Variants in VCPKMT observed in about 807,000 individuals in gnomAD.
VCPKMT encodes the protein protein N-lysine methyltransferase METTL21D.
A neutral mutation model predicts 28.6 loss-of-function variants in VCPKMT; 32 were observed. The ratio of observed to expected loss-of-function variants is 1.12; its 90% CI spans 0.84 to 1.50. The LOEUF is 1.50. Ranked by LOEUF, VCPKMT falls within the 40% of genes most tolerant of loss-of-function variation. The pLI is 0.00. For missense variants in VCPKMT, 366 were observed against 285.0 expected (o/e 1.28, Z -2.05); for synonymous variants, 138 against 111.4 (o/e 1.24, Z -1.50).
the VCPKMT span, among the ~76,000 whole-genome samples, chr14:50,103,071 A>T: frequency 6.6e-6 from 1 of 152,256 alleles, no homozygotes; most frequent in Admixed American, 6.5e-5. Context: ...AAAACTCATC[A>T]GCTATCACTA....
chr14:50,111,491 G>C (rs1882656224), intron 5 of VCPKMT: 1 of 985,282 alleles, frequency 1.0e-6, no homozygotes, highest in African/African-American at 1.7e-5. Context: ...TAGAAAAAGT[G>C]TGGGCTTATT....
At chr14:50,106,612 G>C (rs1882330197), downstream of VCPKMT, 1 of 985,312 alleles carries the variant, frequency 1.0e-6, no homozygotes, top group Admixed American at 6.1e-5. Context: ...CCATGCTTCG[G>C]AATCTGCTGC....
chr14:50,112,917 A>T (rs1177977775), intron 4 of VCPKMT, among the ~76,000 whole-genome samples, 198 bp from the exon 5 acceptor site: 1 of 152,046 alleles, frequency 6.6e-6, no homozygotes, highest in Non-Finnish European at 1.5e-5. Flanking sequence ...CCTCCTGAGT[A>T]GCTGGGATTA....
At chr14:50,113,678 AAC>A (rs1278378181) in intron 4 of VCPKMT, among the ~76,000 whole-genome samples, 3 of 152,016 alleles carry the variant, frequency 2.0e-5, no homozygotes, top group Non-Finnish European at 4.4e-5. Context: ...TGTAGAGAAA[AAC>A]ACAGAAGTAA....
chr14:50,111,227 T>C (rs1463776344), intron 5 of VCPKMT: 13 of 985,096 alleles, frequency 1.3e-5, no homozygotes, highest in South Asian at 9.4e-5. Context: ...ACAAAATCTT[T>C]CTGCCTCCAA....
chr14:50,103,411 T>C, the VCPKMT span, among the ~76,000 whole-genome samples: 1 of 152,238 alleles, frequency 6.6e-6, no homozygotes, highest in Non-Finnish European at 1.5e-5. Context: ...GTTATGCAGA[T>C]AGATCAAGTC....
intron 5 of VCPKMT, among the ~76,000 whole-genome samples, chr14:50,109,937 T>C (rs553515473): frequency 1.3e-5 from 2 of 152,086 alleles, no homozygotes; most frequent in Non-Finnish European, 2.9e-5. Flanking sequence ...AAAATTAAAA[T>C]ATATGTGCTT....
At chr14:50,112,471 C>T in intron 5 of VCPKMT, 144 bp downstream of exon 5, 1 of 399,298 alleles carries the variant, frequency 2.5e-6, no homozygotes, top group Non-Finnish European at 4.5e-6. Context: ...ATTATCTTGA[C>T]AATGAAGTTA....
intron 5 of VCPKMT, 152 bp from the exon 6 acceptor site, chr14:50,109,865 G>T: frequency 1.1e-6 from 1 of 911,594 alleles, no homozygotes; most frequent in Non-Finnish European, 1.6e-6. Context: ...CATGTTTATA[G>T]ATGGTTCTTT....
downstream of VCPKMT, among the ~76,000 whole-genome samples, chr14:50,106,952 T>C (rs574178682): frequency 4.1e-4 from 62 of 152,354 alleles, no homozygotes; most frequent in Middle Eastern, 0.014. Flanking sequence ...GCTCCTGGGC[T>C]CAAGTGATCT....
Position 50,109,003 on chromosome 14 carries a change from T to C in VCPKMT, c.*696A>G, listed in dbSNP as rs1376775437. On this transcript the variant is annotated 3_prime_UTR_variant, in exon 6 of 6. Coordinates refer to ENST00000395860, the MANE Select transcript of VCPKMT (RefSeq NM_024558.3). ...TCACTCCATGCTCAAATGAAAAATC[T>C]GTAAAGATATCTTTTGTTCCTCCAA... 34 of 985,326 alleles carry C rather than the reference T, an allele frequency of 3.5e-5. No homozygotes were observed. The highest frequency in any genetic ancestry group is 4.1e-5 in the Non-Finnish European group (34 of 829,930). 61.0% of individuals were successfully genotyped at this position (985,326 alleles called of 1,614,324 possible).
At chr14:50,103,460 G>A in the VCPKMT span, among the ~76,000 whole-genome samples, 6 of 152,128 alleles carry the variant, frequency 3.9e-5, no homozygotes, top group African/African-American at 1.4e-4. Context: ...GTACTTTAAT[G>A]GCCTGCTACC....
Position 50,112,724 on chromosome 14 carries a change from A to G in VCPKMT, c.571-5T>C. 2.6e-6 allele frequency: 4 copies of G among 1,547,412 alleles called. No homozygotes were observed. The highest frequency in any genetic ancestry group is 3.5e-6 in the Non-Finnish European group (4 of 1,139,440). On this transcript the variant is annotated splice_region_variant and splice_polypyrimidine_tract_variant and intron_variant, in intron 4 of 5. Transcript: ENST00000395860. ...GTCAAAATCTAGCTGAAGGAGCTATAAATTTAAAAGAGACATACTTCAAAT... is the reference window on the plus strand; with the variant it reads ...GTCAAAATCTAGCTGAAGGAGCTATGAATTTAAAAGAGACATACTTCAAAT...
intron 5 of VCPKMT, 129 bp downstream of exon 5, chr14:50,112,486 C>T: frequency 1.4e-5 from 8 of 574,142 alleles, no homozygotes; most frequent in Non-Finnish European, 2.1e-5. Flanking sequence ...AAGTTACTGC[C>T]TGAGTCCAGT....
At chr14:50,108,610 G>GT (rs919656203), downstream of VCPKMT, 73 of 985,706 alleles carry the variant, frequency 7.4e-5, no homozygotes, top group African/African-American at 1.2e-3. Context: ...TTCTTCAAAG[G>GT]TATTTCTGAA....
At position 50,115,838 on chromosome 14, in the gene VCPKMT, C is replaced by A; in HGVS notation, c.450+1G>T. The A allele has an allele frequency of 3.7e-6, 6 of 1,603,584 alleles. No individual in the cohort carries two copies. The highest frequency in any genetic ancestry group is 5.1e-6 in the Non-Finnish European group (6 of 1,171,446). ...AGAGACTTCGCTCACTGGATACTTA[C>A]CTCTTCATAGTATATGCAGTCGGCC... is the stretch of plus-strand genomic sequence containing the variant. On this transcript the variant is annotated splice_donor_variant, in intron 3 of 5. Transcript: ENST00000395860. LOFTEE classifies it high-confidence loss of function.
chr14:50,114,515 T>G, intron 3 of VCPKMT, 111 bp from the exon 4 acceptor site: 1 of 735,240 alleles, frequency 1.4e-6, no homozygotes, highest in Non-Finnish European at 2.0e-6. Flanking sequence ...TTATCCATCT[T>G]TGAATCAATC....
downstream of VCPKMT, chr14:50,106,520 T>C: frequency 1.0e-6 from 1 of 981,074 alleles, no homozygotes; most frequent in Non-Finnish European, 1.2e-6. Flanking sequence ...CCTCAATTCA[T>C]GCATCATTTC....
downstream of VCPKMT, among the ~76,000 whole-genome samples, chr14:50,108,268 G>A (rs1882410541): frequency 6.6e-6 from 1 of 151,608 alleles, no homozygotes; most frequent in East Asian, 1.9e-4. Flanking sequence ...GAACCTGGGT[G>A]GACTATTATA....
Sources: gnomAD v4.1 joint callset for allele counts (sites outside exome capture counted in the v4.1 genomes callset) on GRCh38, gnomAD v4.1.1 for gene constraint, MANE v1.5 for transcripts, NCBI Gene and HGNC (gene_info 2026-07-23, HGNC 2026-07-21) for gene names.